CNMD: variants seen among roughly 807,000 people sequenced by gnomAD.
CNMD encodes the protein leukocyte cell-derived chemotaxin 1.
In CNMD, 30 loss-of-function variants were observed where a neutral mutation model predicts 37.5. That is an observed-to-expected ratio of 0.80 (90% CI 0.60 to 1.09). The LOEUF is 1.09. CNMD is among the 50% of genes least tolerant of loss of function. CNMD has a pLI of 0.00. For synonymous variants in CNMD, 167 were observed against 148.2 expected (o/e 1.13, Z -0.92); for missense variants, 398 against 423.9 (o/e 0.94, Z 0.54).
intron 4 of CNMD, among the ~76,000 whole-genome samples, chr13:52,715,435 G>A (rs978384292): frequency 6.6e-6 from 1 of 152,046 alleles, no homozygotes. Context: ...ACATGCCATG[G>A]TGGTTTGCTG....
rs1964321965 is a variant in CNMD at position 52,713,301 on chromosome 13, A to G, written c.469-432T>C. ...CTGCAGCTTCTGAACAACAATGGAA[A>G]AAGCAAGTGATTGGTTCTTTAATGT... On this transcript the variant is annotated intron_variant, in intron 4 of 6. Transcript: ENST00000377962. Among the ~76,000 whole-genome samples, 2 of 152,330 alleles carry G rather than the reference A, an allele frequency of 1.3e-5. 1 individual carries two copies. Among genetic ancestry groups the G allele is most frequent in the South Asian group, 4.1e-4 (2 of 4,824 alleles).
chr13:52,719,813 C>G (rs1053642364), intron 4 of CNMD, among the ~76,000 whole-genome samples: 3 of 152,260 alleles, frequency 2.0e-5, no homozygotes, highest in Admixed American at 2.0e-4. Flanking sequence ...CTTGGGGTTG[C>G]TCTTCTTGAG....
chr13:52,722,413 C>G (rs1272048170), intron 4 of CNMD, among the ~76,000 whole-genome samples: 2 of 152,166 alleles, frequency 1.3e-5, no homozygotes, highest in East Asian at 1.9e-4. Flanking sequence ...CTTTCCCTCC[C>G]TCTCAGGAAT....
intron 6 of CNMD, among the ~76,000 whole-genome samples, chr13:52,707,599 A>G (rs1252638819): frequency 6.6e-6 from 1 of 152,176 alleles, no homozygotes; most frequent in Non-Finnish European, 1.5e-5. Flanking sequence ...TAAAGGGGGA[A>G]AGAGAATACT....
intron 2 of CNMD, among the ~76,000 whole-genome samples, chr13:52,737,631 A>G (rs1360299355): frequency 6.6e-6 from 1 of 152,234 alleles, no homozygotes; most frequent in Non-Finnish European, 1.5e-5. Context: ...AAAAAAAAGC[A>G]TAGCTATTGT....
At chr13:52,726,742 T>A (rs1382004945) in intron 3 of CNMD, among the ~76,000 whole-genome samples, 2 of 151,502 alleles carry the variant, frequency 1.3e-5, no homozygotes, top group African/African-American at 2.4e-5. Flanking sequence ...CAGCAACAGA[T>A]CACAATCAAA....
At chr13:52,737,090 G>A (rs966639667) in intron 2 of CNMD, among the ~76,000 whole-genome samples, 3 of 152,152 alleles carry the variant, frequency 2.0e-5, no homozygotes, top group Admixed American at 6.5e-5. Flanking sequence ...CCAATATAGA[G>A]GAGCCGAGGC....
At chr13:52,727,745 A>G (rs192887742) in intron 3 of CNMD, among the ~76,000 whole-genome samples, 112 of 152,356 alleles carry the variant, frequency 7.4e-4, no homozygotes, top group African/African-American at 2.6e-3. Flanking sequence ...GAGCTAAAAA[A>G]GTTGATCTCA....
At chr13:52,703,948 C>T in intron 6 of CNMD, 138 bp from the exon 7 acceptor site, 1 of 667,586 alleles carries the variant, frequency 1.5e-6, no homozygotes, top group South Asian at 2.1e-5. Context: ...CTTGTTTACC[C>T]TGTCATTCAT....
chr13:52,730,528 G>A (rs1964647623), intron 3 of CNMD, among the ~76,000 whole-genome samples: 1 of 151,986 alleles, frequency 6.6e-6, no homozygotes, highest in African/African-American at 2.4e-5. Context: ...ACTGGTGTGA[G>A]ATGGTATCTC....
intron 2 of CNMD, among the ~76,000 whole-genome samples, chr13:52,734,283 T>C (rs1045562529): frequency 3.3e-5 from 5 of 152,182 alleles, no homozygotes; most frequent in African/African-American, 1.2e-4. Flanking sequence ...GGCCTAGAGG[T>C]GAGGATGGCA....
At chr13:52,708,780 CA>C in intron 5 of CNMD, 78 bp from the exon 6 acceptor site, 1 of 1,228,524 alleles carries the variant, frequency 8.1e-7, no homozygotes, top group Non-Finnish European at 1.1e-6. Flanking sequence ...GGGTGAAAAA[CA>C]TAAGAAAAGG....
In CNMD at chr13:52,739,731, A is replaced by G; in HGVS notation, c.-30T>C. ...GCGGCGGGAGGAGTGAGGCACTTGG[A>G]GACTCCCTGGGCACCCTGGGATCTG... On this transcript the variant is annotated 5_prime_UTR_variant, in exon 1 of 7. Transcript: ENST00000377962. This position sits in a 1 kb window ranked among gnomAD's most constrained non-coding sequence, Gnocchi z 5.4. 1 of 1,597,856 alleles carries G rather than the reference A, an allele frequency of 6.3e-7. No homozygotes were observed. Among genetic ancestry groups the G allele is most frequent in the Non-Finnish European group, 8.6e-7 (1 of 1,165,640 alleles).
chr13:52,731,147 C>CCAA (rs1217050088), intron 3 of CNMD, among the ~76,000 whole-genome samples: 1 of 152,160 alleles, frequency 6.6e-6, no homozygotes, highest in African/African-American at 2.4e-5. Context: ...GTCATCACTA[C>CCAA]ATCTGCAAGA....
intron 4 of CNMD, among the ~76,000 whole-genome samples, chr13:52,713,527 C>CT (rs1964324808): frequency 1.3e-5 from 2 of 152,270 alleles, no homozygotes; most frequent in South Asian, 4.2e-4. Context: ...CTTTCGTGTA[C>CT]TTATTAGTCT....
Position 52,708,552 on chromosome 13 carries a change from G to A in CNMD, c.773C>T (p.Pro258Leu). The change falls in exon 6 of 7, where the codon CCT becomes CTT. Residue 258 changes from proline (P) to leucine (L), a missense_variant. Coordinates refer to ENST00000377962, the MANE Select transcript of CNMD (RefSeq NM_007015.3). ...GGAACGCACATGATAAGGATTATCA[G>A]GATTGAAGGCTTGTGAGTCCTCTTG... ...SVQEDSQAFN[P>L]DNPYHQQEGE... 1 of 1,611,420 alleles carries A rather than the reference G, an allele frequency of 6.2e-7. No individual in the cohort carries two copies. Among genetic ancestry groups the A allele is most frequent in the East Asian group, 2.2e-5 (1 of 44,830 alleles).
intron 2 of CNMD, among the ~76,000 whole-genome samples, chr13:52,737,625 A>G (rs1964793802): frequency 6.6e-6 from 1 of 152,252 alleles, no homozygotes; most frequent in South Asian, 2.1e-4. Context: ...TTTACCAAAA[A>G]AAAGCATAGC....
chr13:52,726,464 T>A (rs1328772473), intron 3 of CNMD, among the ~76,000 whole-genome samples: 1 of 151,332 alleles, frequency 6.6e-6, no homozygotes, highest in African/African-American at 2.4e-5. Flanking sequence ...AACCACACCT[T>A]AAGCTACCAA....
At chr13:52,731,484 C>A (rs878988281) in intron 3 of CNMD, among the ~76,000 whole-genome samples, 2 of 151,568 alleles carry the variant, frequency 1.3e-5, no homozygotes, top group African/African-American at 4.8e-5. Context: ...TTCTATCCAT[C>A]AAAAAAAATG....
Sources: allele counts gnomAD v4.1 joint callset (sites outside exome capture counted in the v4.1 genomes callset), GRCh38; gene constraint gnomAD v4.1.1; non-coding constraint Gnocchi (gnomAD v3.1); transcripts MANE v1.5; gene names NCBI Gene and HGNC (gene_info 2026-07-23, HGNC 2026-07-21).